RUNX2: variants seen among roughly 807,000 people sequenced by gnomAD.
RUNX2 encodes the protein RUNX family transcription factor 2.
A neutral mutation model predicts 51.7 loss-of-function variants in RUNX2; 10 were observed. The ratio of observed to expected loss-of-function variants is 0.19; its 90% CI spans 0.12 to 0.33. The LOEUF is 0.33. Among genes scored for constraint, RUNX2 ranks in the 10% least tolerant of loss-of-function variants. The pLI, the probability that RUNX2 is intolerant of heterozygous loss-of-function variation, is 1.00. For missense variants in RUNX2, 562 were observed against 691.3 expected (o/e 0.81, Z 2.10); for synonymous variants, 276 against 273.6 (o/e 1.01, Z -0.09).
chr6:45,454,876 G>T (rs892180960), intron 5 of RUNX2, among the ~76,000 whole-genome samples: 1 of 152,210 alleles, frequency 6.6e-6, no homozygotes, highest in Non-Finnish European at 1.5e-5. Flanking sequence ...TACTTTGGGA[G>T]GCTGAGGCAG....
intron 5 of RUNX2, among the ~76,000 whole-genome samples, chr6:45,438,826 T>A (rs184737346): frequency 1.0e-3 from 153 of 152,076 alleles, no homozygotes; most frequent in Non-Finnish European, 1.8e-4. Context: ...TTTGAATATA[T>A]TTAGAGATTA....
At chr6:45,459,411 C>G (rs542764183) in intron 5 of RUNX2, among the ~76,000 whole-genome samples, 1 of 152,326 alleles carries the variant, frequency 6.6e-6, no homozygotes, top group East Asian at 1.9e-4. Context: ...ATTTACTGAG[C>G]ACCTGCTGTG....
At chr6:45,492,547 G>T (rs778582573) in intron 6 of RUNX2, among the ~76,000 whole-genome samples, 1 of 152,144 alleles carries the variant, frequency 6.6e-6, no homozygotes, top group African/African-American at 2.4e-5. Context: ...TGCCCAGGGC[G>T]AACAGGAAGC....
intron 7 of RUNX2, among the ~76,000 whole-genome samples, chr6:45,532,873 C>A (rs1362266445): frequency 6.6e-6 from 1 of 151,360 alleles, no homozygotes; most frequent in African/African-American, 2.4e-5. Flanking sequence ...GTGTTTGTCC[C>A]ACGTCCCACA....
At chr6:45,497,864 C>T (rs572651006) in intron 6 of RUNX2, among the ~76,000 whole-genome samples, 10 of 152,152 alleles carry the variant, frequency 6.6e-5, no homozygotes, top group Non-Finnish European at 1.0e-4. Context: ...CTTCAGGAGG[C>T]GGGACCCACT....
At chr6:45,472,778 T>G (rs1351994023) in intron 5 of RUNX2, among the ~76,000 whole-genome samples, 1 of 152,214 alleles carries the variant, frequency 6.6e-6, no homozygotes, top group African/African-American at 2.4e-5. Context: ...AGAGAAACTG[T>G]AATTTTTTTT....
At chr6:45,346,963 G>A (rs1233743333) in intron 2 of RUNX2, among the ~76,000 whole-genome samples, 1 of 151,954 alleles carries the variant, frequency 6.6e-6, no homozygotes, top group Non-Finnish European at 1.5e-5. Flanking sequence ...CTTAGCAAAG[G>A]GACGTGGTAA....
chr6:45,439,385 A>C (rs2150372841), intron 5 of RUNX2, among the ~76,000 whole-genome samples: 1 of 152,288 alleles, frequency 6.6e-6, no homozygotes, highest in African/African-American at 2.4e-5. Context: ...TATGGAGTGC[A>C]GGTGAATAGA....
intron 2 of RUNX2, among the ~76,000 whole-genome samples, chr6:45,405,648 G>C (rs971206405): frequency 6.6e-6 from 1 of 152,104 alleles, no homozygotes; most frequent in Non-Finnish European, 1.5e-5. Flanking sequence ...AATTAGCCGG[G>C]CGGTGGTGGG....
rs542320894 is a variant in RUNX2 at position 45,547,604 on chromosome 6, G to A, written c.*299G>A. The A allele has an allele frequency of 1.4e-5, 6 of 422,766 alleles. No homozygotes were observed. The highest frequency in any genetic ancestry group is 1.3e-4 in the South Asian group (6 of 46,138). 26.2% of individuals were successfully genotyped at this position (422,766 alleles called of 1,614,324 possible). On this transcript the variant is annotated 3_prime_UTR_variant, in exon 9 of 9. Coordinates refer to ENST00000647337, the MANE Select transcript of RUNX2 (RefSeq NM_001024630.4). ...AAAGGTATTTTTGTTTTTGTTGTTT[G>A]GTCTGTTATCATCAATAACCTGTTC...
chr6:45,427,073 G>A (rs774709462), intron 3 of RUNX2, among the ~76,000 whole-genome samples: 5 of 152,052 alleles, frequency 3.3e-5, no homozygotes, highest in African/African-American at 4.8e-5. Context: ...ACATTTTTGT[G>A]TTATGCCTTT....
At chr6:45,425,122 T>C (rs1798349350) in intron 3 of RUNX2, among the ~76,000 whole-genome samples, 1 of 152,132 alleles carries the variant, frequency 6.6e-6, no homozygotes, top group African/African-American at 2.4e-5. Context: ...ATACCTTGTC[T>C]GCACAATGCC....
At chr6:45,409,221 C>T (rs1797900341) in intron 2 of RUNX2, among the ~76,000 whole-genome samples, 1 of 152,154 alleles carries the variant, frequency 6.6e-6, no homozygotes, top group African/African-American at 2.4e-5. Flanking sequence ...TTTTGAACTC[C>T]CTTCCAGGAA....
chr6:45,444,769 A>G (rs1429449813), intron 5 of RUNX2, among the ~76,000 whole-genome samples: 4 of 152,218 alleles, frequency 2.6e-5, no homozygotes, highest in African/African-American at 7.2e-5. Flanking sequence ...AGACTTAACG[A>G]AACAGGTGGT....
intron 7 of RUNX2, 37 bp downstream of exon 7, chr6:45,512,444 A>G: frequency 6.2e-7 from 1 of 1,609,798 alleles, no homozygotes; most frequent in Non-Finnish European, 8.5e-7. Flanking sequence ...CCATCCCTGC[A>G]CAGGGGTCGG....
At chr6:45,356,576 T>C (rs1391618869) in intron 2 of RUNX2, among the ~76,000 whole-genome samples, 1 of 152,066 alleles carries the variant, frequency 6.6e-6, no homozygotes, top group Non-Finnish European at 1.5e-5. Context: ...GTTTATTTTT[T>C]TTTTAGTAGA....
chr6:45,423,047 G>A, intron 3 of RUNX2, 90 bp downstream of exon 3: 8 of 1,525,382 alleles, frequency 5.2e-6, no homozygotes, highest in Non-Finnish European at 7.1e-6. Context: ...GGCCCCGGAC[G>A]TCCTCCAAGA....
Position 45,421,341 on chromosome 6 carries a change from G to A in RUNX2, c.59-1252G>A, listed in dbSNP as rs908687955. 2.0e-5 allele frequency: 3 copies of A among 152,058 alleles called. No homozygotes were observed. In the East Asian group the frequency reaches 5.8e-4, roughly 29 times the overall value. The allele number at this position is 152,058 out of a possible 1,614,324, so 9.4% of individuals were successfully genotyped here. ...ACAAGATTGAATATATAAGAAAAAA[G>A]AAATGTCCAGCTATGCACTTGAGTT... On this transcript the variant is annotated intron_variant, in intron 2 of 8. Transcript: ENST00000647337.
intron 7 of RUNX2, among the ~76,000 whole-genome samples, chr6:45,516,675 C>T (rs1332876280): frequency 6.6e-6 from 1 of 152,192 alleles, no homozygotes; most frequent in African/African-American, 2.4e-5. Context: ...TAAGGTGTGA[C>T]AAGGCAAGCC....
Sources: gnomAD v4.1 joint callset for allele counts (sites outside exome capture counted in the v4.1 genomes callset) on GRCh38, gnomAD v4.1.1 for gene constraint, MANE v1.5 for transcripts, NCBI Gene and HGNC (gene_info 2026-07-23, HGNC 2026-07-21) for gene names.